PACRG: variants seen among roughly 807,000 people sequenced by gnomAD.
The protein encoded by PACRG is parkin coregulated gene protein.
Under a neutral mutation model 29.7 loss-of-function variants are expected in PACRG, and 29 were observed. The ratio of observed to expected loss-of-function variants is 0.98; its 90% CI spans 0.73 to 1.33. The LOEUF (loss-of-function observed/expected upper bound fraction) is 1.33, where lower values mean the gene tolerates loss of function less well. Ranked by LOEUF, PACRG falls within the 40% of genes most tolerant of loss-of-function variation. PACRG has a pLI of 0.00. For synonymous variants in PACRG, 116 were observed against 118.7 expected, an observed-to-expected ratio of 0.98 and a Z score of 0.15; for missense variants, 279 against 316.2, an observed-to-expected ratio of 0.88 and a Z score of 0.89.
chr6:163,251,839 G>A (rs1410016314), intron 4 of PACRG, among the ~76,000 whole-genome samples: 1 of 152,208 alleles, frequency 6.6e-6, no homozygotes. Context: ...TGGGGGCCGT[G>A]GGGCCTGATT....
rs150124652 is a variant in PACRG at position 163,295,024 on chromosome 6, G to C, written c.614-19803G>C. On this transcript the variant is annotated intron_variant, in intron 4 of 4. Coordinates refer to ENST00000366888, the MANE Select transcript of PACRG (RefSeq NM_001080379.2). ...ACATTATCAACTTTCCAAGGTTGTT[G>C]TGGGGATTAATGAGAATTCAAATTA... 4.1e-3 allele frequency among the ~76,000 whole-genome samples: 629 copies of C among 152,290 alleles called. 3 individuals carry two copies. The highest frequency in any genetic ancestry group is 0.013 in the African/African-American group (560 of 41,554).
chr6:163,003,067 G>A (rs1173990460), intron 2 of PACRG, among the ~76,000 whole-genome samples: 1 of 152,156 alleles, frequency 6.6e-6, no homozygotes, highest in Non-Finnish European at 1.5e-5. Context: ...CTTCTAGATG[G>A]CATGTCTTGC....
chr6:163,123,018 C>T (rs945213825), intron 4 of PACRG, among the ~76,000 whole-genome samples: 12 of 152,108 alleles, frequency 7.9e-5, no homozygotes, highest in Admixed American at 2.0e-4. Flanking sequence ...TTTTAAGGAG[C>T]GGAGAGTTTA....
intron 4 of PACRG, among the ~76,000 whole-genome samples, chr6:163,122,122 T>C (rs1234716227): frequency 6.6e-6 from 1 of 152,200 alleles, no homozygotes; most frequent in Non-Finnish European, 1.5e-5. Flanking sequence ...GAAATTGGTC[T>C]CTAGTTCCAT....
At chr6:162,926,211 T>G (rs558291512) in intron 2 of PACRG, among the ~76,000 whole-genome samples, 22 of 152,244 alleles carry the variant, frequency 1.4e-4, no homozygotes, top group African/African-American at 5.3e-4. Flanking sequence ...ATCAATATCA[T>G]GAAAATGGCC....
rs752232595 is a variant in PACRG at position 163,312,919 on chromosome 6, A to AT, written c.614-1902dup. ...AGGTACATGCCACCACACCTAGCTA[A>AT]TTTTTTAATTTCTTTTATAGAGATG... On this transcript the variant is annotated intron_variant, in intron 4 of 4. Transcript: ENST00000366888. The AT allele has an allele frequency of 6.4e-5, 18 of 279,276 alleles. No homozygotes were observed. The East Asian group carries it at 1.6e-3, about 25-fold the overall frequency. 17.3% of individuals were successfully genotyped at this position (279,276 alleles called of 1,614,324 possible).
At chr6:162,844,261 G>A (rs1447251091) in intron 2 of PACRG, among the ~76,000 whole-genome samples, 3 of 151,996 alleles carry the variant, frequency 2.0e-5, no homozygotes, top group Non-Finnish European at 4.4e-5. Flanking sequence ...CTCCGTGGGC[G>A]TAGGACCCTC....
At chr6:162,825,969 G>A (rs568888018) in intron 2 of PACRG, among the ~76,000 whole-genome samples, 12 of 147,506 alleles carry the variant, frequency 8.1e-5, no homozygotes, top group Admixed American at 1.3e-4. Flanking sequence ...TTTTCTTCCC[G>A]TATTTATAGT....
Position 163,126,793 on chromosome 6 carries a change from T to C in PACRG, c.613+37385T>C, listed in dbSNP as rs569031309. 1.5e-4 allele frequency among the ~76,000 whole-genome samples: 23 copies of C among 152,226 alleles called. 1 individual carries two copies. The highest frequency in any genetic ancestry group is 2.6e-4 in the Non-Finnish European group (18 of 68,034). On this transcript the variant is annotated intron_variant, in intron 4 of 4. Coordinates refer to ENST00000366888, the MANE Select transcript of PACRG (RefSeq NM_001080379.2). ...AGACAGGGAAAGAAAATAAAGGTGC[T>C]GTAAATCCACAAGGCCCATGGTGTT...
intron 2 of PACRG, among the ~76,000 whole-genome samples, chr6:162,877,642 A>C (rs1474924061): frequency 6.6e-6 from 1 of 152,136 alleles, no homozygotes; most frequent in Non-Finnish European, 1.5e-5. Context: ...ATGTTTAAGA[A>C]GAGGAAAAAA....
At chr6:162,963,227 G>T (rs1278482066) in intron 2 of PACRG, among the ~76,000 whole-genome samples, 1 of 152,118 alleles carries the variant, frequency 6.6e-6, no homozygotes, top group African/African-American at 2.4e-5. Flanking sequence ...TTTGTTTAAG[G>T]AATGTAGTTA....
At position 162,877,646 on chromosome 6, in the gene PACRG, GA is replaced by G. The variant is rs527899869; in HGVS notation, c.291+63373del. Among the ~76,000 whole-genome samples the G allele has an allele frequency of 7.0e-3, 1,052 of 151,274 alleles. 10 individuals carry two copies. Among genetic ancestry groups the G allele is most frequent in the African/African-American group, 0.024 (1,007 of 41,226 alleles). ...AAAATAAAAAAATGTTTAAGAAGAG[GA>G]AAAAAAATTCAGGAGGCTTCAGTCA... On this transcript the variant is annotated intron_variant, in intron 2 of 4. Transcript: ENST00000366888.
intron 2 of PACRG, among the ~76,000 whole-genome samples, chr6:162,962,035 T>G (rs1800662724): frequency 6.6e-6 from 1 of 152,166 alleles, no homozygotes; most frequent in Non-Finnish European, 1.5e-5. Flanking sequence ...TGAATTTCCT[T>G]TTTTCTCTAG....
At chr6:163,160,858 T>G (rs941952705) in intron 4 of PACRG, among the ~76,000 whole-genome samples, 3 of 152,132 alleles carry the variant, frequency 2.0e-5, no homozygotes, top group Admixed American at 2.0e-4. Context: ...TGGTCTCTGG[T>G]TTTTCCTTTC....
intron 1 of PACRG, among the ~76,000 whole-genome samples, chr6:162,778,783 T>G (rs1389306442): frequency 8.5e-5 from 13 of 152,224 alleles, no homozygotes. Context: ...CAGCACGCCC[T>G]GAACCCTCCA....
rs375767834 is a variant in PACRG, at chr6:163,044,976, T to G, written c.292-17174T>G. 3.1e-4 allele frequency among the ~76,000 whole-genome samples: 47 copies of G among 152,344 alleles called. No individual in the cohort carries two copies. The East Asian group carries it at 3.7e-3, about 12-fold the overall frequency. On this transcript the variant is annotated intron_variant, in intron 2 of 4. Transcript: ENST00000366888. ...GCTCCTCTCCAATGAATGAAAGCAT[T>G]CAGCTGTTTAACTGGGTAAAGTGAA...
chr6:162,787,281 T>A (rs1784532059), intron 1 of PACRG, among the ~76,000 whole-genome samples: 2 of 152,024 alleles, frequency 1.3e-5, no homozygotes, highest in Non-Finnish European at 1.5e-5. Context: ...ATGAGCCTTT[T>A]ATGCTTCCTT....
At chr6:162,820,167 A>C (rs1431033538) in intron 2 of PACRG, among the ~76,000 whole-genome samples, 1 of 152,212 alleles carries the variant, frequency 6.6e-6, no homozygotes, top group Non-Finnish European at 1.5e-5. Context: ...CAAGTAAAGG[A>C]AATGCTGTGA....
intron 4 of PACRG, among the ~76,000 whole-genome samples, chr6:163,135,616 T>C (rs1816903853): frequency 6.6e-6 from 1 of 152,252 alleles, no homozygotes; most frequent in Admixed American, 6.5e-5. Context: ...GGAAATCTTC[T>C]TCCGCATTTC....
Sources: gnomAD v4.1 joint callset for allele counts (sites outside exome capture counted in the v4.1 genomes callset) on GRCh38, gnomAD v4.1.1 for gene constraint, MANE v1.5 for transcripts, NCBI Gene and HGNC (gene_info 2026-07-23, HGNC 2026-07-21) for gene names.